STAR: variants seen among roughly 807,000 people sequenced by gnomAD.
STAR encodes the protein steroidogenic acute regulatory protein, mitochondrial.
In STAR, 32 loss-of-function variants were observed where a neutral mutation model predicts 32.3. The ratio of observed to expected loss-of-function variants is 0.99; its 90% CI spans 0.75 to 1.33. The LOEUF is 1.33. Among genes scored for constraint, STAR ranks in the 40% most tolerant of loss-of-function variants. The probability of loss-of-function intolerance (pLI) is 0.00; values close to 1 mark genes in which losing one functional copy is unlikely to be tolerated. For synonymous variants in STAR, 134 were observed against 140.5 expected (o/e 0.95, Z 0.33); for missense variants, 375 against 379.0 (o/e 0.99, Z 0.09).
chr8:38,147,811 C>A (rs1585626416), intron 3 of STAR, among the ~76,000 whole-genome samples: 1 of 152,182 alleles, frequency 6.6e-6, no homozygotes, highest in African/African-American at 2.4e-5. Context: ...GTAGGGTGAG[C>A]CCACATCACC....
In STAR at chr8:38,146,352, A is replaced by G. The variant is rs144881901; in HGVS notation, c.402T>C (p.Tyr134=). The change falls in exon 4 of 7, where the codon TAT becomes TAC. Residue 134 remains tyrosine (Y), a synonymous_variant. Coordinates refer to ENST00000276449, the MANE Select transcript of STAR (RefSeq NM_000349.3). ...CTTCCATGCGCTCCACGAGCTCTTC[A>G]TAGAGCCTCTCCATGGGCTGGTCCA... ...VVVDQPMERL[Y]EELVERMEAM... is the part of the protein sequence containing the mutation. The G allele has an allele frequency of 8.1e-5, 130 of 1,614,112 alleles. No homozygotes were observed. The highest frequency in any genetic ancestry group is 2.9e-4 in the African/African-American group (22 of 75,038).
intron 1 of STAR, among the ~76,000 whole-genome samples, chr8:38,149,346 T>C (rs189037478): frequency 2.6e-5 from 4 of 152,302 alleles, no homozygotes; most frequent in African/African-American, 9.6e-5. Flanking sequence ...GCTAATTCAA[T>C]CCAGTGTAAT....
chr8:38,146,705 G>A (rs1802579995), intron 3 of STAR, among the ~76,000 whole-genome samples: 1 of 151,890 alleles, frequency 6.6e-6, no homozygotes, highest in South Asian at 2.1e-4. Context: ...AACCTGCACG[G>A]CAGAGGTTGC....
At chr8:38,147,439 C>G (rs1802593640) in intron 3 of STAR, among the ~76,000 whole-genome samples, 1 of 152,158 alleles carries the variant, frequency 6.6e-6, no homozygotes, top group South Asian at 2.1e-4. Context: ...ATGGGATCTT[C>G]AAGATTTGTT....
At chr8:38,144,432 C>T in intron 6 of STAR, 46 bp from the exon 7 acceptor site, 1 of 1,552,720 alleles carries the variant, frequency 6.4e-7, no homozygotes, top group South Asian at 1.2e-5. Context: ...GGGTTTTGGC[C>T]CACTCTTGAC....
At position 38,150,772 on chromosome 8, in the gene STAR, T is replaced by G; in HGVS notation, c.47A>C (p.His16Pro). ...GCGCTCACCCTTCATGTTGCGCATGTGTCTGTAGGAGCTCCCAGCGCACAG... is the reference window on the plus strand; with the variant it reads ...GCGCTCACCCTTCATGTTGCGCATGGGTCTGTAGGAGCTCCCAGCGCACAG... ...FKLCAGSSYR[H>P]MRNMKGLRQQ... is the part of the protein sequence containing the mutation. The change falls in exon 1 of 7, where the codon CAC becomes CCC. Residue 16 changes from histidine to proline, a missense_variant. His to Pro is a moderately conservative substitution (Grantham distance 77, BLOSUM62 -2). Coordinates refer to ENST00000276449, the MANE Select transcript of STAR (RefSeq NM_000349.3). 6.2e-7 allele frequency: 1 copy of G among 1,607,352 alleles called. No individual in the cohort carries two copies. The highest frequency in any genetic ancestry group is 8.5e-7 in the Non-Finnish European group (1 of 1,179,972).
Position 38,144,273 on chromosome 8 carries a change from T to TC in STAR, c.857dup (p.Ter286TrpfsTer45). 1 of 1,607,306 alleles carries TC rather than the reference T, an allele frequency of 6.2e-7. No homozygotes were observed. Among genetic ancestry groups the TC allele is most frequent in the Non-Finnish European group, 8.5e-7 (1 of 1,177,086 alleles). On this transcript the variant is annotated frameshift_variant and stop_lost, in exon 7 of 7. Coordinates refer to ENST00000276449, the MANE Select transcript of STAR (RefSeq NM_000349.3). LOFTEE classifies it high-confidence loss of function. ...ACAGTTGGGAACAGCAGGCTGGTCT[T>TC]CAACACCTGGCTTCAGAGGCAGGGT...
Position 38,150,830 on chromosome 8 carries a change from A to C in STAR, c.-12T>G, listed in dbSNP as rs1268320637. On this transcript the variant is annotated 5_prime_UTR_variant, in exon 1 of 7. Transcript: ENST00000276449. The stretch of plus-strand genomic sequence containing the variant: ...GTCGCTAGCAGCATTGTTTCCTGGC[A>C]AATGTGGCAGTGGTGGGGTCGCTGC... 5.0e-6 allele frequency: 8 copies of C among 1,604,404 alleles called. No individual in the cohort carries two copies. The highest frequency in any genetic ancestry group is 5.9e-6 in the Non-Finnish European group (7 of 1,179,956).
Position 38,144,847 on chromosome 8 carries a change from A to G in STAR, c.744+375T>C, listed in dbSNP as rs1176621383. 2.3e-5 allele frequency: 13 copies of G among 574,794 alleles called. No individual in the cohort carries two copies. The African/African-American group carries it at 2.5e-4, about 11-fold the overall frequency. The allele number at this position is 574,794 out of a possible 1,614,324, so 35.6% of individuals were successfully genotyped here. ...ACCATAGTGAAACCCCGTCTCTACT[A>G]AAAATACAAAAATTAGCCATGTGTG... On this transcript the variant is annotated intron_variant, in intron 6 of 6. Coordinates refer to ENST00000276449, the MANE Select transcript of STAR (RefSeq NM_000349.3).
intron 6 of STAR, 188 bp from the exon 7 acceptor site, chr8:38,144,574 C>T (rs903100928): frequency 1.9e-5 from 27 of 1,433,598 alleles, no homozygotes; most frequent in Admixed American, 6.9e-5. Flanking sequence ...TTCAGAAGCA[C>T]AAGACTGGCC....
At position 38,144,197 on chromosome 8, in the gene STAR, G is replaced by T. The variant is rs892945234; in HGVS notation, c.*76C>A. The T allele has an allele frequency of 4.2e-5, 60 of 1,438,456 alleles. No individual in the cohort carries two copies. The highest frequency in any genetic ancestry group is 5.2e-5 in the Non-Finnish European group (55 of 1,050,774). The allele number at this position is 1,438,456 out of a possible 1,614,324, so 89.1% of individuals were successfully genotyped here. On this transcript the variant is annotated 3_prime_UTR_variant, in exon 7 of 7. Coordinates refer to ENST00000276449, the MANE Select transcript of STAR (RefSeq NM_000349.3). ...ACCAGATGGAGATCTTAGACTTGCA[G>T]GCTTCCAGTAGGGATTCTCCTGATG...
rs1441446881 is a variant in STAR at position 38,148,236 on chromosome 8, A to G, written c.270T>C (p.Leu90=). 6.2e-7 allele frequency: 1 copy of G among 1,613,902 alleles called. No homozygotes were observed. Among genetic ancestry groups the G allele is most frequent in the Non-Finnish European group, 8.5e-7 (1 of 1,179,994 alleles). ...CCTTCTTCCAGCCCTCTTGGTTGCTAAGGATGCCCAAGGCCTTCTGCATGG... is the reference window on the plus strand; with the variant it reads ...CCTTCTTCCAGCCCTCTTGGTTGCTGAGGATGCCCAAGGCCTTCTGCATGG... ...EEAMQKALGI[L]SNQEGWKKES... The change falls in exon 3 of 7, where the codon CTT becomes CTC. Residue 90 remains leucine, a synonymous_variant. Transcript: ENST00000276449.
At chr8:38,150,395 A>G (rs2130619751) in intron 1 of STAR, among the ~76,000 whole-genome samples, 1 of 151,590 alleles carries the variant, frequency 6.6e-6, no homozygotes, top group East Asian at 1.9e-4. Context: ...ACCTTTATTC[A>G]AACAAAAAAA....
Position 38,146,526 on chromosome 8 carries a change from C to T in STAR, c.307-79G>A, listed in dbSNP as rs555032131. ...GGCATGGTGGTTCACGCCTATAATC[C>T]CAGCACTTTGGGAGGCCAAGGTGGG... is the stretch of plus-strand genomic sequence containing the variant. On this transcript the variant is annotated intron_variant, in intron 3 of 6. Coordinates refer to ENST00000276449, the MANE Select transcript of STAR (RefSeq NM_000349.3). 10 of 1,535,242 alleles carry T rather than the reference C, an allele frequency of 6.5e-6. No individual in the cohort carries two copies. In the Admixed American group the frequency reaches 9.3e-5, roughly 14 times the overall value.
chr8:38,144,698 A>G, intron 6 of STAR: 1 of 1,152,336 alleles, frequency 8.7e-7, no homozygotes, highest in Non-Finnish European at 1.1e-6. Context: ...AATGATAACT[A>G]CATATAAGAG....
rs772621298 is a variant in STAR at position 38,148,215 on chromosome 8, C to T, written c.291G>A (p.Lys97=). ...CGACACTTACCTGCTGACTCTCCTT[C>T]TTCCAGCCCTCTTGGTTGCTAAGGA... The part of the protein sequence containing the change: ...LGILSNQEGW[K]KESQQDNGDK... Residue 97 remains lysine, a synonymous_variant, in exon 3 of 7, where the codon AAG becomes AAA. Transcript: ENST00000276449. The T allele has an allele frequency of 1.9e-6, 3 of 1,613,746 alleles. No individual in the cohort carries two copies. Among genetic ancestry groups the T allele is most frequent in the Non-Finnish European group, 2.5e-6 (3 of 1,179,998 alleles).
intron 2 of STAR, 131 bp from the exon 3 acceptor site, chr8:38,148,458 G>T: frequency 6.7e-7 from 1 of 1,496,614 alleles, no homozygotes; most frequent in Non-Finnish European, 9.1e-7. Context: ...CAGCCTGCTG[G>T]TCGAGTTAAT....
intron 6 of STAR, 144 bp downstream of exon 6, chr8:38,145,078 C>T: frequency 6.6e-7 from 1 of 1,519,368 alleles, no homozygotes; most frequent in Admixed American, 2.0e-5. Context: ...AGCAGTTAGG[C>T]CATCACTCCA....
At chr8:38,145,933 G>C in intron 5 of STAR, 30 bp downstream of exon 5, 2 of 1,612,084 alleles carry the variant, frequency 1.2e-6, no homozygotes, top group Non-Finnish European at 1.7e-6. Flanking sequence ...TGTTAGAAGA[G>C]GGGGGTTTGG....
Sources: gnomAD v4.1 joint callset for allele counts (sites outside exome capture counted in the v4.1 genomes callset) on GRCh38, gnomAD v4.1.1 for gene constraint, MANE v1.5 for transcripts, NCBI Gene and HGNC (gene_info 2026-07-23, HGNC 2026-07-21) for gene names.